PLPPR4: variants seen among roughly 807,000 people sequenced by gnomAD.
PLPPR4 encodes the protein phospholipid phosphatase-related protein type 4.
Under a neutral mutation model 56.6 loss-of-function variants are expected in PLPPR4, and 24 were observed. The ratio of observed to expected loss-of-function variants is 0.42; its 90% CI spans 0.31 to 0.60. PLPPR4 has a LOEUF of 0.60. PLPPR4 is among the 20% of genes least tolerant of loss of function. The pLI is 0.13. For missense variants in PLPPR4, 654 were observed against 885.8 expected (o/e 0.74, Z 3.32); for synonymous variants, 326 against 328.1 (o/e 0.99, Z 0.07).
intron 6 of PLPPR4, among the ~76,000 whole-genome samples, chr1:99,303,789 A>G (rs185445594): frequency 6.6e-6 from 1 of 152,318 alleles, no homozygotes; most frequent in African/African-American, 2.4e-5. Context: ...TCTTCACTGC[A>G]GGAGAAAGGG....
At chr1:99,292,188 C>T (rs1020923248) in intron 2 of PLPPR4, among the ~76,000 whole-genome samples, 1 of 152,090 alleles carries the variant, frequency 6.6e-6, no homozygotes, top group Non-Finnish European at 1.5e-5. Context: ...GGTATTTTAT[C>T]AAGTTGCTAG....
intron 1 of PLPPR4, among the ~76,000 whole-genome samples, chr1:99,272,788 G>C (rs1296211462): frequency 1.3e-5 from 2 of 152,060 alleles, no homozygotes; most frequent in African/African-American, 4.8e-5. Context: ...GAATAGCTTT[G>C]AATTTTCCCT....
intron 1 of PLPPR4, among the ~76,000 whole-genome samples, chr1:99,284,523 G>T (rs2100795405): frequency 6.6e-6 from 1 of 152,044 alleles, no homozygotes. Context: ...TCCTGACCTT[G>T]TGATCCGCCT....
In PLPPR4 at chr1:99,273,383, T is replaced by G. The variant is rs12047462; in HGVS notation, c.78+8712T>G. On this transcript the variant is annotated intron_variant, in intron 1 of 6. Transcript: ENST00000370185. ...GTGGGAAAAGGTAAACATGGAATCA[T>G]ACATTTAACAGAAGAATGATGTTTG... 2.4e-3 allele frequency among the ~76,000 whole-genome samples: 367 copies of G among 152,202 alleles called. 4 individuals are homozygous for G. The East Asian group carries it at 0.044, about 18-fold the overall frequency.
At chr1:99,303,185 A>G (rs1328842153) in intron 6 of PLPPR4, among the ~76,000 whole-genome samples, 18 of 152,104 alleles carry the variant, frequency 1.2e-4, no homozygotes, top group Admixed American at 1.2e-3. Flanking sequence ...TTCAAGAAGA[A>G]GAAACTACAT....
chr1:99,282,690 G>A (rs1355733810), intron 1 of PLPPR4, among the ~76,000 whole-genome samples: 3 of 151,778 alleles, frequency 2.0e-5, no homozygotes, highest in Non-Finnish European at 2.9e-5. Flanking sequence ...CTCCTTGGAC[G>A]TCGGGTCTCT....
At chr1:99,281,051 C>T (rs575597034) in intron 1 of PLPPR4, among the ~76,000 whole-genome samples, 10 of 151,938 alleles carry the variant, frequency 6.6e-5, no homozygotes, top group Admixed American at 1.3e-4. Flanking sequence ...TTTTTAAAGG[C>T]CCTAATGCTT....
intron 1 of PLPPR4, among the ~76,000 whole-genome samples, chr1:99,286,559 A>T (rs542288102): frequency 2.3e-4 from 35 of 152,304 alleles, no homozygotes; most frequent in African/African-American, 8.4e-4. Flanking sequence ...TAAAGTAGAG[A>T]GTGAAGGATG....
intron 1 of PLPPR4, 21 bp downstream of exon 1, chr1:99,264,692 G>T: frequency 6.5e-7 from 1 of 1,549,142 alleles, no homozygotes; most frequent in East Asian, 2.4e-5. Flanking sequence ...CCAGTGCCTT[G>T]GCATAATGCA....
chr1:99,301,472 A>G (rs1395896044), intron 5 of PLPPR4, among the ~76,000 whole-genome samples: 1 of 152,058 alleles, frequency 6.6e-6, no homozygotes, highest in African/African-American at 2.4e-5. Flanking sequence ...AGTAACATGG[A>G]GACTAAACAG....
chr1:99,295,376 AAAACTATAATTTTGAACACTT>A (rs1659717336), intron 2 of PLPPR4, among the ~76,000 whole-genome samples: 1 of 152,236 alleles, frequency 6.6e-6, no homozygotes, highest in African/African-American at 2.4e-5. Flanking sequence ...TTTTTTAAAA[AAAACTATAATTTTGAACACTT>A]CATAAAATAA....
upstream of PLPPR4, chr1:99,264,481 G>A (rs1384839676): frequency 2.6e-6 from 4 of 1,529,138 alleles, no homozygotes; most frequent in East Asian, 2.4e-5. Context: ...GGTGGCCGCG[G>A]GGAATGTGAC....
At chr1:99,277,848 T>C (rs1254020579) in intron 1 of PLPPR4, among the ~76,000 whole-genome samples, 2 of 152,144 alleles carry the variant, frequency 1.3e-5, no homozygotes, top group Non-Finnish European at 2.9e-5. Flanking sequence ...AATATACATG[T>C]TCCATGACTT....
chr1:99,268,605 T>C (rs1221975527), intron 1 of PLPPR4, among the ~76,000 whole-genome samples: 2 of 152,242 alleles, frequency 1.3e-5, no homozygotes, highest in African/African-American at 2.4e-5. Context: ...AAATGGCTTA[T>C]GGTTGACAGT....
intron 1 of PLPPR4, among the ~76,000 whole-genome samples, chr1:99,273,659 G>A (rs2100786192): frequency 6.6e-6 from 1 of 152,146 alleles, no homozygotes; most frequent in South Asian, 2.1e-4. Context: ...ATTTATTTAT[G>A]TGTTGAATAA....
At chr1:99,273,144 A>G (rs891991477) in intron 1 of PLPPR4, among the ~76,000 whole-genome samples, 1 of 152,106 alleles carries the variant, frequency 6.6e-6, no homozygotes, top group Non-Finnish European at 1.5e-5. Context: ...TGGCAGAACT[A>G]ACATTGAGGT....
At chr1:99,264,698 A>G (rs1257315534) in intron 1 of PLPPR4, 27 bp downstream of exon 1, 2 of 1,548,012 alleles carry the variant, frequency 1.3e-6, no homozygotes, top group Non-Finnish European at 1.7e-6. Flanking sequence ...CCTTGGCATA[A>G]TGCAGATCCT....
At chr1:99,275,055 A>G (rs556320948) in intron 1 of PLPPR4, among the ~76,000 whole-genome samples, 73 of 152,234 alleles carry the variant, frequency 4.8e-4, no homozygotes, top group African/African-American at 1.7e-3. Flanking sequence ...AAGAATTAAC[A>G]GGTTACTTAT....
At chr1:99,303,116 G>T (rs1659927380) in intron 6 of PLPPR4, among the ~76,000 whole-genome samples, 1 of 148,250 alleles carries the variant, frequency 6.7e-6, no homozygotes, top group Admixed American at 6.8e-5. Flanking sequence ...GTGTGTAGCT[G>T]TTGTTGTTGT....
Sources: gnomAD v4.1 joint callset for allele counts (sites outside exome capture counted in the v4.1 genomes callset) on GRCh38, gnomAD v4.1.1 for gene constraint, MANE v1.5 for transcripts, NCBI Gene and HGNC (gene_info 2026-07-23, HGNC 2026-07-21) for gene names.